Variants in GPC5 observed in about 807,000 individuals in gnomAD.
GPC5 encodes the protein glypican-5.
Under a neutral mutation model 53.9 loss-of-function variants are expected in GPC5, and 47 were observed. That is an observed-to-expected ratio of 0.87 (90% confidence interval 0.69 to 1.11). The LOEUF (loss-of-function observed/expected upper bound fraction) is 1.11. Among genes scored for constraint, GPC5 ranks in the 50% most tolerant of loss-of-function variants. The probability of loss-of-function intolerance (pLI) is 0.00; values close to 1 mark genes in which losing one functional copy is unlikely to be tolerated. For missense variants in GPC5, 748 were observed against 713.1 expected, an observed-to-expected ratio of 1.05 and a Z score of -0.56; for synonymous variants, 286 against 263.3, an observed-to-expected ratio of 1.09 and a Z score of -0.84.
At chr13:91,906,090 A>G (rs2039550112) in intron 5 of GPC5, among the ~76,000 whole-genome samples, 1 of 151,938 alleles carries the variant, frequency 6.6e-6, no homozygotes, top group East Asian at 1.9e-4. Flanking sequence ...CACTCAATGG[A>G]GAGTCTTAAA....
At chr13:92,387,985 G>A (rs1874816766) in intron 7 of GPC5, among the ~76,000 whole-genome samples, 2 of 151,862 alleles carry the variant, frequency 1.3e-5, no homozygotes, top group Admixed American at 1.3e-4. Flanking sequence ...AATTTATGTG[G>A]TTCTGCTCTA....
intron 7 of GPC5, among the ~76,000 whole-genome samples, chr13:92,372,548 T>G (rs555787741): frequency 6.6e-6 from 1 of 152,310 alleles, no homozygotes; most frequent in Admixed American, 6.5e-5. Flanking sequence ...AATTATAATA[T>G]AGATCAGATA....
chr13:92,142,205 A>G (rs2041836993), intron 6 of GPC5, among the ~76,000 whole-genome samples: 1 of 152,224 alleles, frequency 6.6e-6, no homozygotes, highest in Non-Finnish European at 1.5e-5. Context: ...ATTTTTAAAA[A>G]AGGGAAAAAA....
intron 7 of GPC5, among the ~76,000 whole-genome samples, chr13:92,802,853 CTTCT>C (rs1292819678): frequency 6.6e-6 from 1 of 151,868 alleles, no homozygotes; most frequent in East Asian, 1.9e-4. Context: ...CATATATATC[CTTCT>C]TTAAGTATTG....
intron 2 of GPC5, among the ~76,000 whole-genome samples, chr13:91,650,520 A>G (rs555025670): frequency 7.2e-4 from 108 of 150,466 alleles, no homozygotes; most frequent in Non-Finnish European, 1.2e-3. Flanking sequence ...TTTTATGTAG[A>G]AAAACAAAAC....
At chr13:91,871,716 T>C (rs1051143307) in intron 5 of GPC5, among the ~76,000 whole-genome samples, 1 of 151,990 alleles carries the variant, frequency 6.6e-6, no homozygotes, top group Non-Finnish European at 1.5e-5. Context: ...TCAGCCACTT[T>C]GGATTAGATT....
rs1265861324 is a variant in GPC5, at chr13:91,791,635, TC to T, written c.1280+35216del. ...AATTACATGTTGATGTTTAATTACA[TC>T]AACAATTACATGTTGATGTTTAATT... On this transcript the variant is annotated intron_variant, in intron 5 of 7. Transcript: ENST00000377067. 2.8e-4 allele frequency among the ~76,000 whole-genome samples: 43 copies of T among 151,858 alleles called. 1 individual carries two copies. The highest frequency in any genetic ancestry group is 5.3e-4 in the Admixed American group (8 of 15,236).
chr13:92,691,228 G>A (rs565780278), intron 7 of GPC5, among the ~76,000 whole-genome samples: 1 of 100,672 alleles, frequency 9.9e-6, no homozygotes, highest in Non-Finnish European at 1.9e-5. Context: ...GATTCCGTGG[G>A]CTAGGACCCT....
intron 7 of GPC5, among the ~76,000 whole-genome samples, chr13:92,787,288 G>T (rs535258014): frequency 6.6e-6 from 1 of 152,012 alleles, no homozygotes; most frequent in Admixed American, 6.6e-5. Flanking sequence ...AGAAAATTAT[G>T]ATCCCGAAAG....
rs116044159 is a variant in GPC5 at position 91,917,228 on chromosome 13, G to A, written c.1401+9171G>A. Among the ~76,000 whole-genome samples the A allele has an allele frequency of 4.6e-3, 704 of 152,228 alleles. 7 individuals are homozygous for A. Among genetic ancestry groups the A allele is most frequent in the African/African-American group, 0.016 (660 of 41,542 alleles). On this transcript the variant is annotated intron_variant, in intron 6 of 7. Transcript: ENST00000377067. ...ATTGGCCAAAACTAAGAAGCTACAG[G>A]TCCCATGCAAGTCTGAAATCCAATA...
chr13:92,308,804 C>A (rs921797466), intron 7 of GPC5, among the ~76,000 whole-genome samples: 7 of 152,022 alleles, frequency 4.6e-5, no homozygotes, highest in Non-Finnish European at 2.9e-5. Context: ...AATAATCCTT[C>A]CATATCCTCT....
chr13:92,792,564 G>T lies in GPC5; in HGVS notation c.1562-73718G>T, dbSNP rs142812577. Reference sequence around the variant, plus strand: ...CAATATTAACCTTAAACGTAAGTGGGCTAAATGCCCCAATTAAAAGACACA... The same window carrying T: ...CAATATTAACCTTAAACGTAAGTGGTCTAAATGCCCCAATTAAAAGACACA... On this transcript the variant is annotated intron_variant, in intron 7 of 7. Transcript: ENST00000377067. Among the ~76,000 whole-genome samples the T allele has an allele frequency of 2.6e-5, 4 of 152,146 alleles. No individual in the cohort carries two copies. In the East Asian group the frequency reaches 7.8e-4, roughly 30 times the overall value.
At chr13:91,402,246 C>T (rs527672358) in intron 1 of GPC5, among the ~76,000 whole-genome samples, 13 of 152,032 alleles carry the variant, frequency 8.6e-5, no homozygotes, top group South Asian at 2.1e-4. Context: ...AGTATACTCT[C>T]GATATCAAGT....
chr13:92,265,412 A>G (rs1386833655), intron 7 of GPC5, among the ~76,000 whole-genome samples: 1 of 152,112 alleles, frequency 6.6e-6, no homozygotes, highest in African/African-American at 2.4e-5. Context: ...GGATAGATAC[A>G]ATTTAGCCAA....
chr13:92,847,104 T>C (rs1422105774), intron 7 of GPC5, among the ~76,000 whole-genome samples: 1 of 152,178 alleles, frequency 6.6e-6, no homozygotes, highest in Non-Finnish European at 1.5e-5. Context: ...GATTTTATAC[T>C]TAGAAATGAT....
chr13:92,135,315 T>A (rs1360492376), intron 6 of GPC5, among the ~76,000 whole-genome samples: 1 of 152,212 alleles, frequency 6.6e-6, no homozygotes, highest in Admixed American at 6.5e-5. Context: ...ATTTGGCGTG[T>A]ACTCTTCCTC....
chr13:92,345,923 TG>T (rs1031164419), intron 7 of GPC5, among the ~76,000 whole-genome samples: 8 of 152,278 alleles, frequency 5.3e-5, no homozygotes, highest in Non-Finnish European at 1.0e-4. Context: ...GCTCAATCAG[TG>T]ATACCAGCTG....
At chr13:91,729,216 A>G (rs762566604) in intron 4 of GPC5, among the ~76,000 whole-genome samples, 2 of 152,188 alleles carry the variant, frequency 1.3e-5, no homozygotes, top group Non-Finnish European at 2.9e-5. Flanking sequence ...AATAATACAC[A>G]TCCCATAGGG....
intron 6 of GPC5, among the ~76,000 whole-genome samples, chr13:91,957,750 T>G (rs1411516): frequency 0.63 from 96,113 of 151,730 alleles, 30,994 homozygotes; most frequent in East Asian, 0.75. Context: ...AAAAGCTGAG[T>G]GGATTTTTCA....
Sources: gnomAD v4.1 joint callset for allele counts (sites outside exome capture counted in the v4.1 genomes callset) on GRCh38, gnomAD v4.1.1 for gene constraint, MANE v1.5 for transcripts, NCBI Gene and HGNC (gene_info 2026-07-23, HGNC 2026-07-21) for gene names.